The following NECTIN1 variants were observed in gnomAD, a reference collection of about 807,000 sequenced individuals.
The protein encoded by NECTIN1 is nectin-1.
In NECTIN1, 23 loss-of-function variants were observed where a neutral mutation model predicts 48.0. That is an observed-to-expected ratio of 0.48 (90% CI 0.34 to 0.68). The LOEUF is 0.68. Among genes scored for constraint, NECTIN1 ranks in the 30% least tolerant of loss-of-function variants. The probability of loss-of-function intolerance (pLI) is 0.01; values close to 1 mark genes in which losing one functional copy is unlikely to be tolerated. For synonymous variants in NECTIN1, 270 were observed against 288.9 expected (o/e 0.93, Z 0.66); for missense variants, 591 against 709.9 (o/e 0.83, Z 1.90).
intron 1 of NECTIN1, among the ~76,000 whole-genome samples, chr11:119,726,612 G>GCA (rs1157543440): frequency 6.6e-6 from 1 of 152,192 alleles, no homozygotes; most frequent in Non-Finnish European, 1.5e-5. Flanking sequence ...AGTGGGTGGA[G>GCA]CACAGCAGGC....
Position 119,638,225 on chromosome 11 carries a change from C to T in NECTIN1, c.1250G>A (p.Arg417Lys), listed in dbSNP as rs776777975. The change falls in exon 8 of 8, where the codon AGG becomes AAG. Residue 417 changes from arginine (R) to lysine (K), a missense_variant. By Grantham distance (26) the Arg-to-Lys change is conservative (BLOSUM62 2). Coordinates refer to the NECTIN1 transcript ENST00000341398. ...GTCCTCCTCTTCTTGCTGCTGCTGC[C>T]TCCCTGGGTCCAGGTGGACAACCTG... 123 of 1,613,950 alleles carry T rather than the reference C, an allele frequency of 7.6e-5. 1 individual carries two copies. The East Asian group carries it at 2.7e-3, about 35-fold the overall frequency.
intron 1 of NECTIN1, among the ~76,000 whole-genome samples, chr11:119,704,743 C>T (rs1425203392): frequency 3.3e-5 from 5 of 152,232 alleles, no homozygotes; most frequent in African/African-American, 1.2e-4. Context: ...GGTGAGAATG[C>T]CCCACTCCAC....
rs941631162 is a variant in NECTIN1 at position 119,678,229 on chromosome 11, C to T, written c.430+186G>A. ...TTCCCCACTGTCTAGAGATAAGCCC[C>T]TGCCCCTAATCCCTAGTGAATTGTG... is the stretch of plus-strand genomic sequence containing the variant. On this transcript the variant is annotated intron_variant, in intron 2 of 5. Coordinates refer to ENST00000264025, the MANE Select transcript of NECTIN1 (RefSeq NM_002855.5). This position sits in a 1 kb window ranked among gnomAD's most constrained non-coding sequence, Gnocchi z 4.4. Among the ~76,000 whole-genome samples, 2 of 152,214 alleles carry T rather than the reference C, an allele frequency of 1.3e-5. No individual in the cohort carries two copies. Among genetic ancestry groups the T allele is most frequent in the Non-Finnish European group, 2.9e-5 (2 of 68,048 alleles).
At chr11:119,710,860 G>T (rs1011603242) in intron 1 of NECTIN1, among the ~76,000 whole-genome samples, 1 of 152,018 alleles carries the variant, frequency 6.6e-6, no homozygotes, top group Non-Finnish European at 1.5e-5. Flanking sequence ...ATCACACAGC[G>T]CCCGCCTGTC....
At chr11:119,702,361 G>A (rs1324844145) in intron 1 of NECTIN1, among the ~76,000 whole-genome samples, 1 of 152,254 alleles carries the variant, frequency 6.6e-6, no homozygotes, top group Non-Finnish European at 1.5e-5. Context: ...TGAAGAGCAA[G>A]TCCATTTCCC....
At chr11:119,654,398 A>G (rs1340184891) in intron 5 of NECTIN1, among the ~76,000 whole-genome samples, 14 of 151,884 alleles carry the variant, frequency 9.2e-5, no homozygotes, top group Admixed American at 9.2e-4. Context: ...GGCTGTGCCC[A>G]CTGTGTAAGA....
Position 119,672,764 on chromosome 11 carries a change from G to A in NECTIN1, c.1003+2395C>T, listed in dbSNP as rs568938961. ...GCCATTTTCCTTCCCATGCTTCCCT[G>A]GCCTGGGCATCCCGCCCTCCAGCCC... On this transcript the variant is annotated intron_variant, in intron 5 of 5. Transcript: ENST00000264025. This position sits in a 1 kb window ranked among gnomAD's most constrained non-coding sequence, Gnocchi z 4.3. Among the ~76,000 whole-genome samples the A allele has an allele frequency of 1.3e-5, 2 of 152,194 alleles. No homozygotes were observed. The highest frequency in any genetic ancestry group is 1.9e-4 in the East Asian group (1 of 5,170).
In NECTIN1 at chr11:119,673,709, GGCCCT is replaced by G. The variant is rs1177863070; in HGVS notation, c.1003+1445_1003+1449del. 6.6e-6 allele frequency among the ~76,000 whole-genome samples: 1 copy of G among 152,180 alleles called. No individual in the cohort carries two copies. Among genetic ancestry groups the G allele is most frequent in the Non-Finnish European group, 1.5e-5 (1 of 68,026 alleles). On this transcript the variant is annotated intron_variant, in intron 5 of 5. Coordinates refer to ENST00000264025, the MANE Select transcript of NECTIN1 (RefSeq NM_002855.5). This position sits in a 1 kb window ranked among gnomAD's most constrained non-coding sequence, Gnocchi z 5.8. ...CTATGGCCACTCCACATGGAACACA[GGCCCT>G]GCCCTTCCCACCTCCCCCTTGACTC...
chr11:119,706,010 T>G (rs899208876), intron 1 of NECTIN1, among the ~76,000 whole-genome samples: 1 of 152,208 alleles, frequency 6.6e-6, no homozygotes, highest in Non-Finnish European at 1.5e-5. Flanking sequence ...ACAATGGCCT[T>G]GAGCCAAGAC....
rs1864754337 is a variant in NECTIN1 at position 119,665,541 on chromosome 11, C to T, written c.1004-244G>A. Among the ~76,000 whole-genome samples, 1 of 152,128 alleles carries T rather than the reference C, an allele frequency of 6.6e-6. No homozygotes were observed. Among genetic ancestry groups the T allele is most frequent in the Non-Finnish European group, 1.5e-5 (1 of 68,028 alleles). On this transcript the variant is annotated intron_variant, in intron 5 of 5. Transcript: ENST00000264025. The surrounding 1 kb of genome is among the most constrained non-coding windows in gnomAD (Gnocchi z 5.1). ...AGGCAGAGGGCAGTACCCACAGCAC[C>T]AGGGTCTTCCATCCCCACTGTCCTT...
chr11:119,702,126 C>T (rs1414136935), intron 1 of NECTIN1, among the ~76,000 whole-genome samples: 1 of 152,190 alleles, frequency 6.6e-6, no homozygotes, highest in African/African-American at 2.4e-5. Flanking sequence ...TGCCCTCTTC[C>T]TGTGGGACAG....
At chr11:119,696,398 CAGG>C (rs1865341141) in intron 1 of NECTIN1, among the ~76,000 whole-genome samples, 1 of 147,630 alleles carries the variant, frequency 6.8e-6, no homozygotes, top group East Asian at 2.1e-4. Flanking sequence ...TCAGTGCAAT[CAGG>C]AGGTGTTCTG....
intron 1 of NECTIN1, among the ~76,000 whole-genome samples, chr11:119,715,959 C>A (rs1190331676): frequency 6.6e-6 from 1 of 152,240 alleles, no homozygotes; most frequent in Non-Finnish European, 1.5e-5. Context: ...CTGTGCCTGG[C>A]ACATGTCGAG....
Position 119,664,445 on chromosome 11 carries a change from G to A in NECTIN1, c.*302C>T, listed in dbSNP as rs893168764. On this transcript the variant is annotated 3_prime_UTR_variant, in exon 6 of 6. Transcript: ENST00000264025. Reference sequence around the variant, plus strand: ...GGAGGGATGCCCAGGTACACAAGACGAGAACAGGGCTCCCTACACAGAGGG... The same window carrying A: ...GGAGGGATGCCCAGGTACACAAGACAAGAACAGGGCTCCCTACACAGAGGG... The A allele has an allele frequency of 4.2e-6, 5 of 1,185,896 alleles. No homozygotes were observed. In the African/African-American group the frequency reaches 7.8e-5, roughly 18 times the overall value. 73.5% of individuals were successfully genotyped at this position (1,185,896 alleles called of 1,614,324 possible).
chr11:119,728,429 G>T (rs955079764), intron 1 of NECTIN1, 46 bp downstream of exon 1: 1 of 1,520,362 alleles, frequency 6.6e-7, no homozygotes, highest in African/African-American at 1.4e-5. Flanking sequence ...CCAGCCCCGG[G>T]GAGGCATTGG....
intron 7 of NECTIN1, chr11:119,638,633 G>A (rs936718265): frequency 1.3e-5 from 14 of 1,117,380 alleles, no homozygotes; most frequent in Middle Eastern, 3.9e-4. Flanking sequence ...AAGGCGTGGC[G>A]GCTCTGTCTT....
At chr11:119,647,155 C>T (rs75964380) in intron 5 of NECTIN1, among the ~76,000 whole-genome samples, 3,308 of 106,036 alleles carry the variant, frequency 0.031, 129 homozygotes, top group African/African-American at 0.098. Context: ...CCAGAGCTTG[C>T]GGCGCATGTG....
chr11:119,648,361 CTGGTGATGGTGGTGATGGTGGTGGTGG>C (rs1565376746), intron 5 of NECTIN1, among the ~76,000 whole-genome samples: 18 of 1,322 alleles, frequency 0.014, 1 homozygote, highest in Admixed American at 0.052. Context: ...GGTGGTGATG[CTGGTGATGGTGGTGATGGTGGTGGTGG>C]TGGTGATGGT....
rs945356747 is a variant in NECTIN1 at position 119,709,053 on chromosome 11, C to A, written c.79+19422G>T. ...GGAGAGATCCTGAGACACTCTACCC[C>A]CCACGCCCGCCCACATAGCCAACAT... On this transcript the variant is annotated intron_variant, in intron 1 of 5. Coordinates refer to ENST00000264025, the MANE Select transcript of NECTIN1 (RefSeq NM_002855.5). This position sits in a 1 kb window ranked among gnomAD's most constrained non-coding sequence, Gnocchi z 4.1. Among the ~76,000 whole-genome samples, 1 of 151,988 alleles carries A rather than the reference C, an allele frequency of 6.6e-6. No individual in the cohort carries two copies. The highest frequency in any genetic ancestry group is 1.5e-5 in the Non-Finnish European group (1 of 67,960).
Sources: gnomAD v4.1 joint callset for allele counts (sites outside exome capture counted in the v4.1 genomes callset) on GRCh38, gnomAD v4.1.1 for gene constraint, Gnocchi (gnomAD v3.1) non-coding constraint, MANE v1.5 for transcripts, NCBI Gene and HGNC (gene_info 2026-07-23, HGNC 2026-07-21) for gene names.